Variants in SNX29 observed in about 807,000 individuals in gnomAD.
SNX29 encodes sorting nexin 29, also known as sorting nexin-29.
Under a neutral mutation model 102.1 loss-of-function variants are expected in SNX29, and 78 were observed. That is an observed-to-expected ratio of 0.76 (90% CI 0.64 to 0.92). SNX29 has a LOEUF of 0.92. Ranked by LOEUF, SNX29 falls within the 40% of genes least tolerant of loss-of-function variation. SNX29 has a pLI of 0.00. For synonymous variants in SNX29, 580 were observed against 414.5 expected, an observed-to-expected ratio of 1.40 and a Z score of -4.85; for missense variants, 1,280 against 1,061.7, an observed-to-expected ratio of 1.21 and a Z score of -2.86.
At chr16:12,364,883 T>A (rs957438648) in intron 16 of SNX29, among the ~76,000 whole-genome samples, 1 of 152,142 alleles carries the variant, frequency 6.6e-6, no homozygotes, top group African/African-American at 2.4e-5. Flanking sequence ...CCCCACCACC[T>A]CCGCTCTCTC....
At chr16:12,440,923 A>T (rs540715892) in intron 18 of SNX29, among the ~76,000 whole-genome samples, 1 of 152,164 alleles carries the variant, frequency 6.6e-6, no homozygotes, top group Non-Finnish European at 1.5e-5. Context: ...TGTCTTTATA[A>T]TAGAATGATT....
At chr16:12,332,503 A>G (rs1567447207) in intron 15 of SNX29, among the ~76,000 whole-genome samples, 1 of 152,134 alleles carries the variant, frequency 6.6e-6, no homozygotes, top group Non-Finnish European at 1.5e-5. Context: ...TGTTAAAGTG[A>G]TGACTCTATC....
At chr16:12,447,358 T>C (rs769612273) in intron 18 of SNX29, among the ~76,000 whole-genome samples, 4 of 152,132 alleles carry the variant, frequency 2.6e-5, no homozygotes, top group Non-Finnish European at 5.9e-5. Context: ...TGATGGATTT[T>C]TGTTGTTAGC....
chr16:12,253,878 G>C (rs1046708046), intron 14 of SNX29, among the ~76,000 whole-genome samples: 2 of 152,164 alleles, frequency 1.3e-5, no homozygotes, highest in Non-Finnish European at 2.9e-5. Flanking sequence ...GTGGTTATAG[G>C]AGCTCAGGCA....
At chr16:12,243,122 A>C (rs1276944387) in intron 14 of SNX29, among the ~76,000 whole-genome samples, 1 of 152,110 alleles carries the variant, frequency 6.6e-6, no homozygotes, top group African/African-American at 2.4e-5. Flanking sequence ...CAGAGACACT[A>C]TTTGTCTTCT....
At chr16:12,220,822 TA>T (rs1349492640) in intron 14 of SNX29, among the ~76,000 whole-genome samples, 1 of 152,232 alleles carries the variant, frequency 6.6e-6, no homozygotes, top group Non-Finnish European at 1.5e-5. Context: ...GGTGTAATTA[TA>T]AAAACATATT....
chr16:12,317,967 G>C (rs1056003405), intron 15 of SNX29, among the ~76,000 whole-genome samples: 1 of 152,258 alleles, frequency 6.6e-6, no homozygotes, highest in African/African-American at 2.4e-5. Context: ...GCTTAGTTTG[G>C]ATGGGAGTGG....
At position 12,325,987 on chromosome 16, in the gene SNX29, A is replaced by G. The variant is rs574672036; in HGVS notation, c.1783-30176A>G. Among the ~76,000 whole-genome samples, 3 of 152,040 alleles carry G rather than the reference A, an allele frequency of 2.0e-5. No homozygotes were observed. The South Asian group carries it at 6.2e-4, about 32-fold the overall frequency. ...CGAGGTTGCAGTGAGCTGTAATCAC[A>G]CACTGCATTCCAGCCTGGGCACCAG... On this transcript the variant is annotated intron_variant, in intron 15 of 20. Transcript: ENST00000566228.
chr16:12,302,807 AG>A (rs1235219883), intron 15 of SNX29, among the ~76,000 whole-genome samples: 1 of 152,228 alleles, frequency 6.6e-6, no homozygotes, highest in Non-Finnish European at 1.5e-5. Flanking sequence ...CCACACTGTT[AG>A]GGTGAATGCA....
intron 20 of SNX29, among the ~76,000 whole-genome samples, chr16:12,536,099 CAG>C (rs2077070478): frequency 6.6e-6 from 1 of 152,156 alleles, no homozygotes; most frequent in South Asian, 2.1e-4. Context: ...TTGCCTGGAC[CAG>C]AGAGAAGGGT....
At chr16:12,520,372 G>T (rs1345998071) in intron 19 of SNX29, among the ~76,000 whole-genome samples, 1 of 152,220 alleles carries the variant, frequency 6.6e-6, no homozygotes, top group East Asian at 1.9e-4. Flanking sequence ...TTGGAAGGCT[G>T]AAAGTTGTCT....
At chr16:12,349,590 T>G (rs2081937832) in intron 15 of SNX29, among the ~76,000 whole-genome samples, 1 of 152,230 alleles carries the variant, frequency 6.6e-6, no homozygotes, top group African/African-American at 2.4e-5. Flanking sequence ...GCTCATCCTG[T>G]AAGTATAATG....
At chr16:12,247,221 A>G (rs1209242142) in intron 14 of SNX29, among the ~76,000 whole-genome samples, 1 of 152,180 alleles carries the variant, frequency 6.6e-6, no homozygotes, top group East Asian at 1.9e-4. Flanking sequence ...CATCTTAGCA[A>G]GGGATGGAGG....
At chr16:12,550,514 GAC>G (rs1220592021) in intron 20 of SNX29, among the ~76,000 whole-genome samples, 6 of 139,132 alleles carry the variant, frequency 4.3e-5, no homozygotes, top group East Asian at 2.2e-4. Context: ...CAGTCTGGGA[GAC>G]ACAGTCTCAA....
At chr16:12,182,954 AAAAG>A (rs1442655890) in intron 13 of SNX29, among the ~76,000 whole-genome samples, 8 of 151,682 alleles carry the variant, frequency 5.3e-5, no homozygotes, top group Admixed American at 2.0e-4. Flanking sequence ...AAAAAAAAAA[AAAAG>A]GACATCATGA....
chr16:12,324,821 A>C (rs2081069226), intron 15 of SNX29, among the ~76,000 whole-genome samples: 1 of 152,116 alleles, frequency 6.6e-6, no homozygotes, highest in African/African-American at 2.4e-5. Flanking sequence ...CTGAAAACCG[A>C]AACCTCCCAG....
intron 15 of SNX29, among the ~76,000 whole-genome samples, chr16:12,281,962 T>C (rs932096890): frequency 2.6e-5 from 4 of 151,466 alleles, no homozygotes; most frequent in African/African-American, 9.7e-5. Flanking sequence ...CATATGTCTA[T>C]AGTCCCCAGC....
intron 3 of SNX29, among the ~76,000 whole-genome samples, chr16:12,024,551 A>G (rs892082475): frequency 5.9e-5 from 9 of 152,340 alleles, no homozygotes; most frequent in Admixed American, 5.9e-4. Flanking sequence ...CGAGGAAGGC[A>G]TCATAGTGAT....
At chr16:12,563,313 CTG>C (rs2141503760) in intron 20 of SNX29, among the ~76,000 whole-genome samples, 1 of 152,136 alleles carries the variant, frequency 6.6e-6, no homozygotes, top group East Asian at 1.9e-4. Flanking sequence ...TGCTTTGTGA[CTG>C]GAGAGAGTCA....
Sources: gnomAD v4.1 joint callset for allele counts (sites outside exome capture counted in the v4.1 genomes callset) on GRCh38, gnomAD v4.1.1 for gene constraint, MANE v1.5 for transcripts, NCBI Gene and HGNC (gene_info 2026-07-23, HGNC 2026-07-21) for gene names.